NR4A3: variants seen among roughly 807,000 people sequenced by gnomAD.
The protein encoded by NR4A3 is nuclear receptor subfamily 4 group A member 3, also known as chondrosarcoma, extraskeletal myxoid, fused to EWS.
Under a neutral mutation model 55.6 loss-of-function variants are expected in NR4A3, and 13 were observed. That is an observed-to-expected ratio of 0.23 (90% CI 0.15 to 0.37). The LOEUF (loss-of-function observed/expected upper bound fraction) is 0.37. Among genes scored for constraint, NR4A3 ranks in the 10% least tolerant of loss-of-function variants. The pLI is 1.00. For synonymous variants in NR4A3, 342 were observed against 357.9 expected (o/e 0.96, Z 0.50); for missense variants, 646 against 822.8 (o/e 0.79, Z 2.63).
At chr9:99,827,096 T>C (rs1827310118) in intron 2 of NR4A3, among the ~76,000 whole-genome samples, 1 of 152,210 alleles carries the variant, frequency 6.6e-6, no homozygotes, top group African/African-American at 2.4e-5. Flanking sequence ...ATAGTCAAAC[T>C]GGCAGAGAAA....
chr9:99,842,597 A>G (rs1454389816), intron 5 of NR4A3, among the ~76,000 whole-genome samples: 1 of 152,076 alleles, frequency 6.6e-6, no homozygotes, highest in African/African-American at 2.4e-5. Context: ...CAGGCATGGT[A>G]GCACACACCT....
rs1013248228 is a variant in NR4A3 at position 99,825,761 on chromosome 9, C to T, written c.-74C>T. ...GGCGCTTCGCCTCGCCGGACGTCCG[C>T]TCCTCCTACACTCTCAGCCTCCGCT... is the stretch of plus-strand genomic sequence containing the variant. On this transcript the variant is annotated 5_prime_UTR_variant, in exon 2 of 8. Transcript: ENST00000395097. The surrounding 1 kb of genome is among the most constrained non-coding windows in gnomAD (Gnocchi z 5.0). The T allele has an allele frequency of 6.0e-6, 1 of 166,906 alleles. No individual in the cohort carries two copies. The highest frequency in any genetic ancestry group is 2.4e-5 in the African/African-American group (1 of 41,882). 10.3% of individuals were successfully genotyped at this position (166,906 alleles called of 1,614,324 possible). A position where few individuals can be genotyped will look rare whatever the true frequency, so the allele number is the denominator to read the frequency against.
intron 5 of NR4A3, among the ~76,000 whole-genome samples, chr9:99,839,360 C>T (rs1827610722): frequency 6.6e-6 from 1 of 152,174 alleles, no homozygotes; most frequent in Admixed American, 6.5e-5. Flanking sequence ...AAAAACGTGT[C>T]CTTAGCGTAG....
At position 99,828,727 on chromosome 9, in the gene NR4A3, G is replaced by C. The variant is rs999028080; in HGVS notation, c.685G>C (p.Ala229Pro). ...GCTCAGCCTGCCGCTGGGAGCCGCA[G>C]CCGCCGCGGGCAGCCAGGCCGCCGC... ...AALSLPLGAAAAAGSQAAALE... is the reference protein window; with the variant it reads ...AALSLPLGAAPAAGSQAAALE... Residue 229 changes from alanine to proline, a missense_variant, in exon 3 of 8, where the codon GCC (alanine) becomes CCC (proline). Coordinates refer to ENST00000395097, the MANE Select transcript of NR4A3 (RefSeq NM_006981.4). The surrounding 1 kb of genome is among the most constrained non-coding windows in gnomAD (Gnocchi z 7.7). 7.7e-7 allele frequency: 1 copy of C among 1,304,182 alleles called. No individual in the cohort carries two copies. The highest frequency in any genetic ancestry group is 9.7e-7 in the Non-Finnish European group (1 of 1,030,232). The allele number at this position is 1,304,182 out of a possible 1,614,324, so 80.8% of individuals were successfully genotyped here.
At position 99,864,903 on chromosome 9, in the gene NR4A3, C is replaced by A. The variant is rs1828068109; in HGVS notation, c.*1036C>A. 2 of 211,482 alleles carry A rather than the reference C, an allele frequency of 9.5e-6. No individual in the cohort carries two copies. Among genetic ancestry groups the A allele is most frequent in the Non-Finnish European group, 1.9e-5 (2 of 104,110 alleles). 13.1% of individuals were successfully genotyped at this position (211,482 alleles called of 1,614,324 possible). Reference sequence around the variant, plus strand: ...GGTCATACAGGGTAAGCACCAGGGACAATAAGGATTTTTATAGATATAATT... The same window carrying A: ...GGTCATACAGGGTAAGCACCAGGGAAAATAAGGATTTTTATAGATATAATT... On this transcript the variant is annotated 3_prime_UTR_variant, in exon 8 of 8. Transcript: ENST00000395097.
intron 2 of NR4A3, among the ~76,000 whole-genome samples, 157 bp from the exon 3 acceptor site, chr9:99,827,884 A>AT (rs1827336131): frequency 6.6e-6 from 1 of 152,112 alleles, no homozygotes; most frequent in South Asian, 2.1e-4. Context: ...GATGAAGAAA[A>AT]TAAGTGTGGG....
At chr9:99,853,523 C>T (rs1259513482) in intron 7 of NR4A3, among the ~76,000 whole-genome samples, 1 of 87,734 alleles carries the variant, frequency 1.1e-5, no homozygotes, top group African/African-American at 4.4e-5. Flanking sequence ...ATTCCCCTTC[C>T]TGTGTCCATG....
At position 99,866,835 on chromosome 9, in the gene NR4A3, T is replaced by C. The variant is rs1020983898; in HGVS notation, c.*2968T>C. 5.4e-5 allele frequency: 11 copies of C among 205,604 alleles called. No homozygotes were observed. The highest frequency in any genetic ancestry group is 2.5e-4 in the African/African-American group (11 of 43,806). 12.7% of individuals were successfully genotyped at this position (205,604 alleles called of 1,614,324 possible). A position where few individuals can be genotyped will look rare whatever the true frequency, so the allele number is the denominator to read the frequency against. ...GTGTTAACCTGTGGTTTGAAAGAAATGCTCTTGTACATTAACAATGTAAAT... is the reference window on the plus strand; with the variant it reads ...GTGTTAACCTGTGGTTTGAAAGAAACGCTCTTGTACATTAACAATGTAAAT... On this transcript the variant is annotated 3_prime_UTR_variant, in exon 8 of 8. Coordinates refer to ENST00000395097, the MANE Select transcript of NR4A3 (RefSeq NM_006981.4).
In NR4A3 at chr9:99,847,453, G is replaced by A. The variant is rs1315692184; in HGVS notation, c.1471G>A (p.Asp491Asn). ...RLSIRSNTAE[D>N]KFVFCNGLVL... ...ACCTCCCAGGTCAAACACTGCTGAAGATAAGTTTGTGTTCTGCAATGGACT... is the reference window on the plus strand; with the variant it reads ...ACCTCCCAGGTCAAACACTGCTGAAAATAAGTTTGTGTTCTGCAATGGACT... Residue 491 changes from aspartate (D) to asparagine (N), a missense_variant, in exon 7 of 8, where the codon GAT (aspartate) becomes AAT (asparagine). This residue lies in a region of NR4A3 where 163 missense variants were observed against 233.0 expected (regional missense o/e 0.70). Coordinates refer to ENST00000395097, the MANE Select transcript of NR4A3 (RefSeq NM_006981.4). 3 of 1,614,162 alleles carry A rather than the reference G, an allele frequency of 1.9e-6. No homozygotes were observed. The highest frequency in any genetic ancestry group is 2.5e-6 in the Non-Finnish European group (3 of 1,180,000).
chr9:99,846,707 G>A (rs1587882802), intron 6 of NR4A3, among the ~76,000 whole-genome samples: 1 of 152,160 alleles, frequency 6.6e-6, no homozygotes, highest in South Asian at 2.1e-4. Flanking sequence ...GAGTGCAGTG[G>A]CACGATCTTG....
intron 5 of NR4A3, chr9:99,833,823 G>A (rs1827497733): frequency 1.5e-6 from 2 of 1,291,308 alleles, no homozygotes; most frequent in African/African-American, 1.5e-5. Context: ...AAACCATCTG[G>A]GTGAGCCTCA....
chr9:99,824,962 C>G (rs1321757438), intron 1 of NR4A3, among the ~76,000 whole-genome samples: 1 of 152,196 alleles, frequency 6.6e-6, no homozygotes, highest in Non-Finnish European at 1.5e-5. Context: ...TGCCTCCGCT[C>G]GTCCCATCAG....
Position 99,839,071 on chromosome 9 carries a change from C to T in NR4A3, c.1255-5578C>T, listed in dbSNP as rs900091153. The stretch of plus-strand genomic sequence containing the variant: ...AAAGCCCTTATCCACATGAACCTTA[C>T]ATACCTGTAAAGGAGAAAAAGAGTA... On this transcript the variant is annotated intron_variant, in intron 5 of 7. Transcript: ENST00000395097. Among the ~76,000 whole-genome samples the T allele has an allele frequency of 2.6e-5, 4 of 152,214 alleles. No homozygotes were observed. In the East Asian group the frequency reaches 7.7e-4, roughly 29 times the overall value.
chr9:99,837,565 A>T (rs1827580213), intron 5 of NR4A3, among the ~76,000 whole-genome samples: 2 of 152,140 alleles, frequency 1.3e-5, no homozygotes, highest in South Asian at 4.1e-4. Flanking sequence ...CAATAATAGT[A>T]ATATATATCC....
chr9:99,824,117 C>T (rs1827241472), intron 1 of NR4A3, among the ~76,000 whole-genome samples: 1 of 152,176 alleles, frequency 6.6e-6, no homozygotes, highest in Non-Finnish European at 1.5e-5. Context: ...GCAGGAGCGG[C>T]GGAACGTGTT....
chr9:99,855,417 A>C (rs1279206526), intron 7 of NR4A3, among the ~76,000 whole-genome samples: 5 of 141,698 alleles, frequency 3.5e-5, no homozygotes, highest in African/African-American at 1.2e-4. Flanking sequence ...TGTTATGATA[A>C]AAGTATGAAT....
intron 7 of NR4A3, among the ~76,000 whole-genome samples, chr9:99,859,346 G>A (rs2118166463): frequency 6.6e-6 from 1 of 152,300 alleles, no homozygotes; most frequent in East Asian, 1.9e-4. Flanking sequence ...CAGTGATTAG[G>A]TTTTAAGGGA....
intron 5 of NR4A3, among the ~76,000 whole-genome samples, chr9:99,838,077 A>C (rs983361120): frequency 6.6e-6 from 1 of 152,170 alleles, no homozygotes; most frequent in African/African-American, 2.4e-5. Context: ...GTGCAGTCAA[A>C]ACATGTCACG....
At chr9:99,850,443 G>C (rs1827828074) in intron 7 of NR4A3, among the ~76,000 whole-genome samples, 1 of 152,210 alleles carries the variant, frequency 6.6e-6, no homozygotes, top group African/African-American at 2.4e-5. Context: ...AACCTGGAGA[G>C]ACTGGGCAGT....
Sources: gnomAD v4.1 joint callset for allele counts (sites outside exome capture counted in the v4.1 genomes callset) on GRCh38, gnomAD v4.1.1 for gene constraint, gnomAD v4.1.1 regional missense constraint, Gnocchi (gnomAD v3.1) non-coding constraint, MANE v1.5 for transcripts, NCBI Gene and HGNC (gene_info 2026-07-23, HGNC 2026-07-21) for gene names.